Variants in ATXN1 observed in about 807,000 individuals in gnomAD.
ATXN1 encodes ataxin 1.
Under a neutral mutation model 56.4 loss-of-function variants are expected in ATXN1, and 8 were observed. The ratio of observed to expected loss-of-function variants is 0.14; its 90% CI spans 0.08 to 0.26. The LOEUF is 0.26. Ranked by LOEUF, ATXN1 falls within the 10% of genes least tolerant of loss-of-function variation. The pLI is 1.00. For missense variants in ATXN1, 987 were observed against 1,106.5 expected, an observed-to-expected ratio of 0.89 and a Z score of 1.53; for synonymous variants, 514 against 494.6, an observed-to-expected ratio of 1.04 and a Z score of -0.52.
At chr6:16,717,516 CAG>C (rs768102326) in intron 2 of ATXN1, among the ~76,000 whole-genome samples, 4 of 152,182 alleles carry the variant, frequency 2.6e-5, no homozygotes, top group Non-Finnish European at 5.9e-5. Flanking sequence ...TACCTGCAGC[CAG>C]AGAGCAGCAA....
intron 4 of ATXN1, among the ~76,000 whole-genome samples, chr6:16,537,769 C>T (rs1240331995): frequency 6.6e-6 from 1 of 150,634 alleles, no homozygotes; most frequent in East Asian, 1.9e-4. Flanking sequence ...TGAAATACAA[C>T]CATGATACAG....
intron 6 of ATXN1, among the ~76,000 whole-genome samples, chr6:16,440,847 T>C (rs1759503609): frequency 6.6e-6 from 1 of 151,816 alleles, no homozygotes; most frequent in Non-Finnish European, 1.5e-5. Context: ...CAAGACAAAA[T>C]GAGGTTACTG....
intron 3 of ATXN1, among the ~76,000 whole-genome samples, chr6:16,656,743 A>G (rs545942415): frequency 2.0e-5 from 3 of 152,258 alleles, no homozygotes; most frequent in Admixed American, 2.0e-4. Context: ...GCTCTGAGAA[A>G]TGCATTGTTA....
intron 6 of ATXN1, among the ~76,000 whole-genome samples, chr6:16,449,837 A>G (rs1002069422): frequency 6.6e-6 from 1 of 152,212 alleles, no homozygotes; most frequent in African/African-American, 2.4e-5. Flanking sequence ...TTTTCTCAAT[A>G]CTGCACAACA....
In ATXN1 at chr6:16,704,463, G is replaced by A. The variant is rs183993488; in HGVS notation, c.-614-46562C>T. ...TCAAGTGCTTACTTGCCCAGGGACT[G>A]CCATAATTTGAGGTGTTGCTTCTTT... On this transcript the variant is annotated intron_variant, in intron 2 of 7. Transcript: ENST00000436367. 5.4e-3 allele frequency among the ~76,000 whole-genome samples: 696 copies of A among 130,020 alleles called. 1 individual carries two copies. Among genetic ancestry groups the A allele is most frequent in the African/African-American group, 0.017 (674 of 39,932 alleles). 85.3% of individuals were successfully genotyped at this position (130,020 alleles called of 152,430 possible). A position where few individuals can be genotyped will look rare whatever the true frequency, so the allele number is the denominator to read the frequency against.
At chr6:16,658,115 A>T (rs1758243646) in intron 2 of ATXN1, among the ~76,000 whole-genome samples, 1 of 149,544 alleles carries the variant, frequency 6.7e-6, no homozygotes, top group Non-Finnish European at 1.5e-5. Flanking sequence ...AGAAAGAAAG[A>T]AAAAAAAAAC....
At chr6:16,321,650 G>C (rs1258369393) in intron 7 of ATXN1, among the ~76,000 whole-genome samples, 1 of 152,214 alleles carries the variant, frequency 6.6e-6, no homozygotes, top group African/African-American at 2.4e-5. Flanking sequence ...CGTCAGCTGG[G>C]ACAATGCTGG....
chr6:16,480,611 C>T (rs1760419251), intron 6 of ATXN1, among the ~76,000 whole-genome samples: 3 of 152,170 alleles, frequency 2.0e-5, no homozygotes, highest in African/African-American at 7.2e-5. Flanking sequence ...GCACACAACA[C>T]TCTTTTAATA....
At chr6:16,658,184 T>G (rs1758244820) in intron 2 of ATXN1, among the ~76,000 whole-genome samples, 1 of 152,044 alleles carries the variant, frequency 6.6e-6, no homozygotes, top group Non-Finnish European at 1.5e-5. Flanking sequence ...CCAGTGGGAA[T>G]GCACTTGCAA....
At chr6:16,731,713 T>A (rs939991211) in intron 2 of ATXN1, among the ~76,000 whole-genome samples, 1 of 151,966 alleles carries the variant, frequency 6.6e-6, no homozygotes, top group Non-Finnish European at 1.5e-5. Context: ...AGTACATTTG[T>A]CATTTAATTT....
At chr6:16,318,190 T>G (rs1760559475) in intron 7 of ATXN1, among the ~76,000 whole-genome samples, 1 of 152,238 alleles carries the variant, frequency 6.6e-6, no homozygotes, top group Non-Finnish European at 1.5e-5. Flanking sequence ...TTTAAATATG[T>G]CTCCCATTTC....
intron 3 of ATXN1, among the ~76,000 whole-genome samples, chr6:16,630,313 C>T (rs986266511): frequency 2.0e-5 from 3 of 152,190 alleles, no homozygotes; most frequent in Non-Finnish European, 2.9e-5. Context: ...CTAGCCATAC[C>T]GTTGTTATGC....
At chr6:16,324,239 T>C (rs1173044172) in intron 7 of ATXN1, among the ~76,000 whole-genome samples, 1 of 152,242 alleles carries the variant, frequency 6.6e-6, no homozygotes, top group Admixed American at 6.5e-5. Context: ...GCCCAGGAGT[T>C]TGAGACCAGC....
At chr6:16,521,330 G>A (rs1334731213) in intron 5 of ATXN1, among the ~76,000 whole-genome samples, 4 of 152,190 alleles carry the variant, frequency 2.6e-5, no homozygotes, top group Non-Finnish European at 5.9e-5. Flanking sequence ...TTGGGAGGCC[G>A]AGGCGGATCA....
chr6:16,662,663 GCT>G (rs1310354626), intron 2 of ATXN1, among the ~76,000 whole-genome samples: 1 of 152,160 alleles, frequency 6.6e-6, no homozygotes, highest in Non-Finnish European at 1.5e-5. Flanking sequence ...CTGCCACATA[GCT>G]CTACAATTCT....
Position 16,307,196 on chromosome 6 carries a change from T to C in ATXN1, c.1918-337A>G, listed in dbSNP as rs147365225. On this transcript the variant is annotated intron_variant, in intron 7 of 7. Coordinates refer to ENST00000436367, the MANE Select transcript of ATXN1 (RefSeq NM_001128164.2). ...AGTAATGACAGAGCACCCACTTAGCTTTCAGCACCAAGCTAGGCTCTGCAG... is the reference window on the plus strand; with the variant it reads ...AGTAATGACAGAGCACCCACTTAGCCTTCAGCACCAAGCTAGGCTCTGCAG... Among the ~76,000 whole-genome samples, 22 of 152,338 alleles carry C rather than the reference T, an allele frequency of 1.4e-4. No individual in the cohort carries two copies. In the East Asian group the frequency reaches 3.3e-3, roughly 23 times the overall value.
intron 2 of ATXN1, chr6:16,738,965 G>C (rs532652999): frequency 6.6e-6 from 1 of 152,120 alleles, no homozygotes. Context: ...GTTTTTGACA[G>C]AGAACAAAAT....
intron 2 of ATXN1, among the ~76,000 whole-genome samples, chr6:16,673,680 CT>C (rs1408474017): frequency 6.6e-6 from 1 of 152,062 alleles, no homozygotes; most frequent in Non-Finnish European, 1.5e-5. Flanking sequence ...CAAGAGACCC[CT>C]GACTCTGCTG....
chr6:16,664,808 A>C (rs1758392546), intron 2 of ATXN1, among the ~76,000 whole-genome samples: 1 of 152,096 alleles, frequency 6.6e-6, no homozygotes, highest in South Asian at 2.1e-4. Context: ...GAGGACCCCA[A>C]GGAACTTTTC....
Sources: allele counts gnomAD v4.1 joint callset (sites outside exome capture counted in the v4.1 genomes callset), GRCh38; gene constraint gnomAD v4.1.1; transcripts MANE v1.5; gene names NCBI Gene and HGNC (gene_info 2026-07-23, HGNC 2026-07-21).